NRG3: variants seen among roughly 807,000 people sequenced by gnomAD.
NRG3 encodes pro-neuregulin-3, membrane-bound isoform.
Under a neutral mutation model 66.9 loss-of-function variants are expected in NRG3, and 31 were observed. The observed-to-expected ratio is 0.46, with a 90% CI of 0.35 to 0.63. The LOEUF is 0.63. NRG3 is among the 20% of genes least tolerant of loss of function. The pLI is 0.00. For missense variants in NRG3, 910 were observed against 878.9 expected (o/e 1.04, Z -0.45); for synonymous variants, 393 against 359.4 (o/e 1.09, Z -1.06).
At chr10:81,972,650 G>A (rs2059973655) in intron 1 of NRG3, among the ~76,000 whole-genome samples, 1 of 152,068 alleles carries the variant, frequency 6.6e-6, no homozygotes, top group South Asian at 2.1e-4. Flanking sequence ...GAAACACAGA[G>A]AAAAAACAAT....
chr10:82,977,479 G>A (rs181819723), intron 7 of NRG3, among the ~76,000 whole-genome samples: 15 of 151,834 alleles, frequency 9.9e-5, no homozygotes, highest in African/African-American at 2.7e-4. Flanking sequence ...CATTGTGGGG[G>A]GCACCTGTAG....
At chr10:82,751,856 TCA>T (rs2058877973) in intron 3 of NRG3, among the ~76,000 whole-genome samples, 1 of 152,154 alleles carries the variant, frequency 6.6e-6, no homozygotes, top group South Asian at 2.1e-4. Flanking sequence ...AATACAATCC[TCA>T]GACTATGTCT....
chr10:81,920,289 T>A (rs181754923), intron 1 of NRG3, among the ~76,000 whole-genome samples: 1 of 152,250 alleles, frequency 6.6e-6, no homozygotes, highest in East Asian at 1.9e-4. Flanking sequence ...TCCTCACCCT[T>A]AGCACCCTGC....
At chr10:82,941,487 A>G (rs574941817) in intron 4 of NRG3, among the ~76,000 whole-genome samples, 2 of 152,310 alleles carry the variant, frequency 1.3e-5, no homozygotes, top group Non-Finnish European at 2.9e-5. Flanking sequence ...TAAGCTCCTA[A>G]TATTTTAATC....
intron 1 of NRG3, among the ~76,000 whole-genome samples, chr10:81,904,721 T>G (rs572812905): frequency 6.6e-6 from 1 of 152,172 alleles, no homozygotes; most frequent in African/African-American, 2.4e-5. Flanking sequence ...TCATGTTCCC[T>G]GCAGCATTCT....
intron 1 of NRG3, among the ~76,000 whole-genome samples, chr10:81,878,792 T>C (rs1380598351): frequency 6.6e-6 from 1 of 152,198 alleles, no homozygotes; most frequent in Non-Finnish European, 1.5e-5. Flanking sequence ...AATTCTTTAA[T>C]GGCCAGGATC....
intron 6 of NRG3, among the ~76,000 whole-genome samples, chr10:82,966,628 C>G (rs566209296): frequency 6.6e-5 from 10 of 152,142 alleles, no homozygotes; most frequent in Admixed American, 3.3e-4. Flanking sequence ...ATAGCCCACT[C>G]TTAAGGAGTG....
At chr10:82,019,674 A>G (rs1256633199) in intron 1 of NRG3, among the ~76,000 whole-genome samples, 6 of 152,066 alleles carry the variant, frequency 3.9e-5, no homozygotes, top group Admixed American at 3.3e-4. Context: ...GGGAGGGTGT[A>G]TGTGTCGAGG....
At chr10:81,877,883 T>C (rs772443672) in intron 1 of NRG3, 63 of 1,532,620 alleles carry the variant, frequency 4.1e-5, no homozygotes, top group Non-Finnish European at 5.5e-5. Context: ...TGTGTGAACA[T>C]ATTCAATGGA....
intron 2 of NRG3, among the ~76,000 whole-genome samples, chr10:82,394,259 G>T (rs1347974822): frequency 6.6e-6 from 1 of 152,162 alleles, no homozygotes; most frequent in Non-Finnish European, 1.5e-5. Flanking sequence ...AGGAACAGAT[G>T]CAGGAGCACA....
intron 1 of NRG3, among the ~76,000 whole-genome samples, chr10:82,273,585 C>A (rs1037217545): frequency 2.6e-5 from 4 of 151,826 alleles, no homozygotes; most frequent in South Asian, 4.1e-4. Context: ...TTTGAGTGAG[C>A]TTTTGAAGTC....
At chr10:82,543,581 T>A (rs1357077368) in intron 2 of NRG3, among the ~76,000 whole-genome samples, 1 of 152,178 alleles carries the variant, frequency 6.6e-6, no homozygotes, top group Non-Finnish European at 1.5e-5. Context: ...ATGGAGTCTG[T>A]TACCTGAGAG....
rs552487404 is a variant in NRG3, at chr10:82,003,814, T to C, written c.823+127651T>C. Among the ~76,000 whole-genome samples, 89 of 151,988 alleles carry C rather than the reference T, an allele frequency of 5.9e-4. 1 individual carries two copies. The highest frequency in any genetic ancestry group is 2.1e-3 in the African/African-American group (86 of 41,456). On this transcript the variant is annotated intron_variant, in intron 1 of 8. Transcript: ENST00000372141. ...TAAGGGCAGCAGAGAAATAGCATGG[T>C]TGATGGAGGGGCTACGGGGTAAAGG...
rs947081943 is a variant in NRG3, at chr10:82,623,120, G to T, written c.954-115457G>T. Among the ~76,000 whole-genome samples, 12 of 152,024 alleles carry T rather than the reference G, an allele frequency of 7.9e-5. 1 individual carries two copies. The highest frequency in any genetic ancestry group is 4.4e-5 in the Non-Finnish European group (3 of 68,010). On this transcript the variant is annotated intron_variant, in intron 2 of 8. Transcript: ENST00000372141. ...ACCCAGGGTACCACTAATCACAATGGCAATGCCAACTGAATTCAGGCATTC... is the reference window on the plus strand; with the variant it reads ...ACCCAGGGTACCACTAATCACAATGTCAATGCCAACTGAATTCAGGCATTC...
At chr10:82,220,030 C>A (rs1224884933) in intron 1 of NRG3, among the ~76,000 whole-genome samples, 2 of 151,544 alleles carry the variant, frequency 1.3e-5, no homozygotes, top group African/African-American at 4.9e-5. Context: ...ATCACAAATA[C>A]CAAAGTCAAC....
At chr10:82,309,267 T>G (rs377608249) in intron 1 of NRG3, among the ~76,000 whole-genome samples, 6 of 152,334 alleles carry the variant, frequency 3.9e-5, no homozygotes, top group African/African-American at 1.2e-4. Flanking sequence ...CAAATTGTTA[T>G]GAGATTGAAG....
intron 1 of NRG3, among the ~76,000 whole-genome samples, chr10:82,065,309 C>T (rs1236168030): frequency 6.6e-6 from 1 of 152,110 alleles, no homozygotes; most frequent in East Asian, 1.9e-4. Flanking sequence ...TTCCTCTCAC[C>T]AGGTCTGGCC....
chr10:82,130,775 A>G (rs1272786553), intron 1 of NRG3, among the ~76,000 whole-genome samples: 5 of 151,962 alleles, frequency 3.3e-5, no homozygotes, highest in African/African-American at 9.7e-5. Context: ...TTTGATTTGC[A>G]TTTCTCTGGT....
At chr10:81,953,430 A>G (rs1339855660) in intron 1 of NRG3, among the ~76,000 whole-genome samples, 1 of 152,082 alleles carries the variant, frequency 6.6e-6, no homozygotes, top group African/African-American at 2.4e-5. Context: ...CTTTCCTGTA[A>G]TTACTGTGTA....
Sources: allele counts gnomAD v4.1 joint callset (sites outside exome capture counted in the v4.1 genomes callset), GRCh38; gene constraint gnomAD v4.1.1; transcripts MANE v1.5; gene names NCBI Gene and HGNC (gene_info 2026-07-23, HGNC 2026-07-21).